Variants in PVT1 observed in about 807,000 individuals in gnomAD.
PVT1 encodes Pvt1 oncogene, also known as CXCR4/PVT1 fusion.
At chr8:127,819,232 A>T (rs776573980) in intron 2 of PVT1, among the ~76,000 whole-genome samples, 4 of 152,120 alleles carry the variant, frequency 2.6e-5, no homozygotes, top group Non-Finnish European at 5.9e-5. Flanking sequence ...TTCTCTTCCC[A>T]GCTCTGGAGT....
At chr8:128,078,270 G>A (rs1216785534) in intron 5 of PVT1, among the ~76,000 whole-genome samples, 1 of 152,196 alleles carries the variant, frequency 6.6e-6, no homozygotes, top group Admixed American at 6.5e-5. Context: ...AATGCTTGCT[G>A]GGTAGGCGAG....
intron 4 of PVT1, among the ~76,000 whole-genome samples, chr8:128,055,422 T>C (rs2130112121): frequency 6.6e-6 from 1 of 152,330 alleles, no homozygotes; most frequent in East Asian, 1.9e-4. Context: ...TAACACCTCC[T>C]ACATTAATGC....
intron 5 of PVT1, among the ~76,000 whole-genome samples, chr8:128,073,068 G>A (rs539443969): frequency 1.3e-5 from 2 of 151,836 alleles, no homozygotes; most frequent in Admixed American, 1.3e-4. Flanking sequence ...TCCTGACCTC[G>A]AGTGATCTGC....
At chr8:127,966,593 C>T (rs1189341824) in intron 3 of PVT1, among the ~76,000 whole-genome samples, 1 of 152,234 alleles carries the variant, frequency 6.6e-6, no homozygotes, top group Non-Finnish European at 1.5e-5. Context: ...AACTGCCTGA[C>T]ATCCTTGCCC....
At chr8:127,811,637 T>C (rs1835771853) in intron 2 of PVT1, among the ~76,000 whole-genome samples, 7 of 152,274 alleles carry the variant, frequency 4.6e-5, no homozygotes, top group Admixed American at 4.6e-4. Flanking sequence ...ATAGTCTGTA[T>C]GTGCCTGGAA....
At chr8:128,080,064 A>C (rs1473125051) in intron 5 of PVT1, among the ~76,000 whole-genome samples, 1 of 152,066 alleles carries the variant, frequency 6.6e-6, no homozygotes, top group African/African-American at 2.4e-5. Context: ...ATAGCTTAAC[A>C]CCTCATTCGT....
intron 3 of PVT1, among the ~76,000 whole-genome samples, chr8:127,968,474 G>A (rs926680036): frequency 6.6e-6 from 1 of 152,136 alleles, no homozygotes; most frequent in Non-Finnish European, 1.5e-5. Context: ...AGTGCTCTTG[G>A]AGATGAGGTC....
At chr8:127,834,722 G>A (rs1469618264) in intron 2 of PVT1, among the ~76,000 whole-genome samples, 1 of 151,784 alleles carries the variant, frequency 6.6e-6, no homozygotes, top group Non-Finnish European at 1.5e-5. Flanking sequence ...ATTTACAGGG[G>A]AAAAAACAAA....
intron 3 of PVT1, among the ~76,000 whole-genome samples, chr8:127,922,593 G>T (rs1816075037): frequency 6.6e-6 from 1 of 152,116 alleles, no homozygotes. Flanking sequence ...CATTCATTAG[G>T]GGTTTCTTTA....
intron 3 of PVT1, among the ~76,000 whole-genome samples, chr8:127,922,569 T>G (rs886165145): frequency 1.3e-5 from 2 of 152,182 alleles, no homozygotes; most frequent in Non-Finnish European, 2.9e-5. Flanking sequence ...GCTACCTTCC[T>G]ACCTCCATCC....
intron 3 of PVT1, among the ~76,000 whole-genome samples, chr8:127,970,082 C>T (rs1816746026): frequency 6.6e-6 from 1 of 152,126 alleles, no homozygotes; most frequent in Non-Finnish European, 1.5e-5. Flanking sequence ...GTATGCCCAA[C>T]CCCCCTTTGG....
At position 127,888,314 on chromosome 8, in the gene PVT1, G is replaced by A. The variant is rs117708055; in HGVS notation, n.373-2275G>A. Among the ~76,000 whole-genome samples the A allele has an allele frequency of 9.7e-3, 1,482 of 152,284 alleles. 8 individuals are homozygous for A. The highest frequency in any genetic ancestry group is 0.017 in the Non-Finnish European group (1,144 of 68,014). On this transcript the variant is annotated intron_variant and non_coding_transcript_variant, in intron 2 of 10. Transcript: ENST00000651587. ...TCTTCACTAGCCGCTGCAAGTGTGT[G>A]TGGCTCTGTGCATTGTGGGCAGGGT...
chr8:127,832,253 A>G (rs113514291), intron 2 of PVT1, among the ~76,000 whole-genome samples: 4 of 152,170 alleles, frequency 2.6e-5, no homozygotes, highest in Admixed American at 1.3e-4. Context: ...TGACATCTCT[A>G]TATTCCCACG....
At chr8:127,982,477 C>T (rs1586466195) in intron 3 of PVT1, among the ~76,000 whole-genome samples, 1 of 152,050 alleles carries the variant, frequency 6.6e-6, no homozygotes, top group South Asian at 2.1e-4. Flanking sequence ...GGCAGCCTCA[C>T]AGGTAACTTT....
At chr8:127,880,887 C>A (rs1336356335) in intron 2 of PVT1, among the ~76,000 whole-genome samples, 3 of 152,266 alleles carry the variant, frequency 2.0e-5, no homozygotes, top group African/African-American at 7.2e-5. Flanking sequence ...GCGTGAGCCA[C>A]TGCGCTCAGC....
chr8:127,945,816 A>G (rs1172777085), intron 3 of PVT1, among the ~76,000 whole-genome samples: 3 of 152,108 alleles, frequency 2.0e-5, no homozygotes, highest in Non-Finnish European at 4.4e-5. Context: ...ACTAACCAAC[A>G]TTATTCAGCA....
At chr8:127,936,020 TTC>T (rs1292533127) in intron 3 of PVT1, among the ~76,000 whole-genome samples, 1 of 149,744 alleles carries the variant, frequency 6.7e-6, no homozygotes, top group East Asian at 1.9e-4. Context: ...AAACAGTGTC[TTC>T]TCTCTCTCTC....
At chr8:127,875,841 G>A (rs1815398806) in intron 2 of PVT1, among the ~76,000 whole-genome samples, 1 of 152,192 alleles carries the variant, frequency 6.6e-6, no homozygotes, top group Admixed American at 6.5e-5. Flanking sequence ...GCTCAGTAAG[G>A]GCAGGTCGTG....
At chr8:127,954,322 G>A (rs1407151660) in intron 3 of PVT1, among the ~76,000 whole-genome samples, 2 of 120,598 alleles carry the variant, frequency 1.7e-5, no homozygotes, top group African/African-American at 6.4e-5. Context: ...TTTTGAGACA[G>A]TCTCACTCTG....
Sources: gnomAD v4.1 joint callset for allele counts (sites outside exome capture counted in the v4.1 genomes callset) on GRCh38, gnomAD v4.1.1 for gene constraint, MANE v1.5 for transcripts, NCBI Gene and HGNC (gene_info 2026-07-23, HGNC 2026-07-21) for gene names.